Variants in GSR observed in about 807,000 individuals in gnomAD.
GSR encodes glutathione-disulfide reductase.
In GSR, 48 loss-of-function variants were observed where a neutral mutation model predicts 56.5. That is an observed-to-expected ratio of 0.85 (90% CI 0.67 to 1.08). The LOEUF (loss-of-function observed/expected upper bound fraction) is 1.08, where lower values mean the gene tolerates loss of function less well. Ranked by LOEUF, GSR falls within the 50% of genes least tolerant of loss-of-function variation. The pLI is 0.00. For synonymous variants in GSR, 264 were observed against 270.8 expected, an observed-to-expected ratio of 0.97 and a Z score of 0.25; for missense variants, 694 against 703.3, an observed-to-expected ratio of 0.99 and a Z score of 0.15.
chr8:30,680,396 T>G lies in GSR; in HGVS notation c.1419+508A>C, dbSNP rs1465355614. The stretch of plus-strand genomic sequence containing the variant: ...GGCCTCTCCTGTTTTTTTTTTTTTT[T>G]TTTTTTTTTTTGCTTTGAGATGGAG... On this transcript the variant is annotated intron_variant, in intron 12 of 12. Transcript: ENST00000221130. 5.5e-5 allele frequency among the ~76,000 whole-genome samples: 8 copies of G among 146,716 alleles called. 1 individual carries two copies. The highest frequency in any genetic ancestry group is 6.0e-5 in the Non-Finnish European group (4 of 66,676).
intron 1 of GSR, among the ~76,000 whole-genome samples, chr8:30,712,886 C>T (rs1297562472): frequency 6.6e-6 from 1 of 152,080 alleles, no homozygotes; most frequent in Non-Finnish European, 1.5e-5. Flanking sequence ...AAAGAAGTAA[C>T]CAAAGATGTA....
chr8:30,703,361 A>G (rs1212949298), intron 4 of GSR, 121 bp from the exon 5 acceptor site: 3 of 964,994 alleles, frequency 3.1e-6, no homozygotes, highest in Non-Finnish European at 5.0e-6. Context: ...TGATGCCAAC[A>G]CAATTCTCCG....
intron 9 of GSR, 69 bp from the exon 10 acceptor site, chr8:30,684,268 G>A: frequency 1.2e-6 from 1 of 861,344 alleles, no homozygotes; most frequent in Non-Finnish European, 2.0e-6. Flanking sequence ...CAAACCTCTG[G>A]ATCTCCCTTC....
At chr8:30,709,417 A>G (rs369939003) in intron 3 of GSR, among the ~76,000 whole-genome samples, 1 of 152,274 alleles carries the variant, frequency 6.6e-6, no homozygotes, top group Non-Finnish European at 1.5e-5. Context: ...ACATGGACAA[A>G]CCGTGAAAAC....
chr8:30,692,474 G>T (rs1387663099), intron 8 of GSR, among the ~76,000 whole-genome samples: 6 of 139,808 alleles, frequency 4.3e-5, no homozygotes, highest in African/African-American at 1.6e-4. Flanking sequence ...GGGATAACAG[G>T]TGTGAGCCAC....
chr8:30,710,243 A>C (rs1804082301), intron 2 of GSR, among the ~76,000 whole-genome samples: 1 of 151,740 alleles, frequency 6.6e-6, no homozygotes, highest in Non-Finnish European at 1.5e-5. Flanking sequence ...TTGAACCCTG[A>C]GGGCAGAGGT....
chr8:30,707,800 T>C (rs1414460863), intron 4 of GSR, among the ~76,000 whole-genome samples: 6 of 151,812 alleles, frequency 4.0e-5, no homozygotes, highest in Admixed American at 3.9e-4. Context: ...ACTAAAAAAA[T>C]ACAAAAATTC....
chr8:30,715,767 G>A (rs1262529166), intron 1 of GSR, among the ~76,000 whole-genome samples: 10 of 152,056 alleles, frequency 6.6e-5, no homozygotes, highest in Non-Finnish European at 1.5e-5. Flanking sequence ...CAATCCAAGG[G>A]TGTCATAAAG....
intron 1 of GSR, among the ~76,000 whole-genome samples, chr8:30,716,768 C>T (rs1804346450): frequency 6.6e-6 from 1 of 152,016 alleles, no homozygotes; most frequent in South Asian, 2.1e-4. Context: ...GATAGCACCA[C>T]TGCACTCCAG....
chr8:30,719,349 C>A (rs1804450505), intron 1 of GSR, among the ~76,000 whole-genome samples: 1 of 151,838 alleles, frequency 6.6e-6, no homozygotes, highest in African/African-American at 2.4e-5. Context: ...ATCTACTGAC[C>A]TCATGATCCG....
chr8:30,707,993 G>A, intron 4 of GSR, 79 bp downstream of exon 4: 1 of 879,238 alleles, frequency 1.1e-6, no homozygotes, highest in Admixed American at 1.7e-5. Flanking sequence ...AATAAATAGG[G>A]CTACAGTCTG....
At chr8:30,680,816 T>C in intron 12 of GSR, 88 bp downstream of exon 12, 2 of 1,188,860 alleles carry the variant, frequency 1.7e-6, no homozygotes, top group South Asian at 1.2e-5. Context: ...GCTCAACTGC[T>C]TGGTCTCCCT....
intron 4 of GSR, 146 bp from the exon 5 acceptor site, chr8:30,703,386 G>A (rs543023825): frequency 3.4e-5 from 28 of 824,824 alleles, no homozygotes; most frequent in Non-Finnish European, 1.0e-5. Flanking sequence ...TCAAGTTTCT[G>A]TAGAACTTCT....
rs935350272 is a variant in GSR, at chr8:30,678,816, A to G, written c.*704T>C. ...CAAAAAATATATAAAGGTTCTGTGC[A>G]CTGGCACTGTTTACATGTGAAGAAT... On this transcript the variant is annotated 3_prime_UTR_variant, in exon 13 of 13. Coordinates refer to ENST00000221130, the MANE Select transcript of GSR (RefSeq NM_000637.5). The G allele has an allele frequency of 6.6e-6, 1 of 152,414 alleles. No individual in the cohort carries two copies. The highest frequency in any genetic ancestry group is 2.4e-5 in the African/African-American group (1 of 41,450). The allele number at this position is 152,414 out of a possible 1,614,324, so 9.4% of individuals were successfully genotyped here. A position where few individuals can be genotyped will look rare whatever the true frequency, so the allele number is the denominator to read the frequency against.
chr8:30,695,120 C>T (rs185133459), intron 7 of GSR, among the ~76,000 whole-genome samples: 84 of 152,100 alleles, frequency 5.5e-4, no homozygotes, highest in African/African-American at 1.9e-3. Context: ...AATGTAAGCT[C>T]GTTCGACCTG....
chr8:30,699,983 A>C, intron 6 of GSR, 98 bp downstream of exon 6: 6 of 833,574 alleles, frequency 7.2e-6, no homozygotes, highest in African/African-American at 1.7e-5. Context: ...GAATTCAGGA[A>C]AGGCCTACAT....
At position 30,690,141 on chromosome 8, in the gene GSR, C is replaced by T. The variant is rs374154372; in HGVS notation, c.883-822G>A. Among the ~76,000 whole-genome samples the T allele has an allele frequency of 9.4e-4, 126 of 134,350 alleles. 1 individual carries two copies. In the East Asian group the frequency reaches 0.018, roughly 19 times the overall value. 88.1% of individuals were successfully genotyped at this position (134,350 alleles called of 152,430 possible). On this transcript the variant is annotated intron_variant, in intron 8 of 12. Coordinates refer to ENST00000221130, the MANE Select transcript of GSR (RefSeq NM_000637.5). ...ATCTATTTATATAAATATACATTTA[C>T]ATATAAATAAAATAATATATTTATT... is the stretch of plus-strand genomic sequence containing the variant.
intron 6 of GSR, among the ~76,000 whole-genome samples, chr8:30,697,590 T>G (rs1164122576): frequency 6.6e-6 from 1 of 152,152 alleles, no homozygotes; most frequent in Non-Finnish European, 1.5e-5. Context: ...ACTATACCAC[T>G]GCAGTCCAGC....
intron 10 of GSR, among the ~76,000 whole-genome samples, chr8:30,682,770 A>G (rs1465479): frequency 0.76 from 115,203 of 151,424 alleles, 44,077 homozygotes; most frequent in East Asian, 0.9. Flanking sequence ...AAAGTGCTGG[A>G]ATTACAGGCA....
Sources: allele counts gnomAD v4.1 joint callset (sites outside exome capture counted in the v4.1 genomes callset), GRCh38; gene constraint gnomAD v4.1.1; transcripts MANE v1.5; gene names NCBI Gene and HGNC (gene_info 2026-07-23, HGNC 2026-07-21).